KDM4C: variants seen among roughly 807,000 people sequenced by gnomAD.
KDM4C encodes lysine-specific demethylase 4C.
In KDM4C, 81 loss-of-function variants were observed where a neutral mutation model predicts 129.3. That is an observed-to-expected ratio of 0.63 (90% CI 0.52 to 0.75). The LOEUF (loss-of-function observed/expected upper bound fraction) is 0.75. Ranked by LOEUF, KDM4C falls within the 30% of genes least tolerant of loss-of-function variation. KDM4C has a pLI of 0.00. For synonymous variants in KDM4C, 573 were observed against 456.1 expected, an observed-to-expected ratio of 1.26 and a Z score of -3.26; for missense variants, 1,457 against 1,304.0, an observed-to-expected ratio of 1.12 and a Z score of -1.81.
intron 1 of KDM4C, among the ~76,000 whole-genome samples, chr9:6,783,790 G>T (rs1824878754): frequency 6.6e-6 from 1 of 152,188 alleles, no homozygotes; most frequent in African/African-American, 2.4e-5. Flanking sequence ...CAATTAAAAA[G>T]TTACTGGCAA....
chr9:6,933,062 C>CAATT (rs79398326), intron 8 of KDM4C, among the ~76,000 whole-genome samples: 38,827 of 151,770 alleles, frequency 0.26, 5,370 homozygotes, highest in South Asian at 0.4. Context: ...TGGTGAAATA[C>CAATT]CATCTCAAAG....
chr9:6,879,340 T>C (rs1179904400), intron 5 of KDM4C, among the ~76,000 whole-genome samples: 4 of 152,184 alleles, frequency 2.6e-5, no homozygotes, highest in African/African-American at 9.6e-5. Context: ...TAAAAATAAC[T>C]ATGGAACTAG....
intron 1 of KDM4C, chr9:6,735,140 C>T (rs1406853990): frequency 1.2e-5 from 3 of 257,434 alleles, no homozygotes; most frequent in East Asian, 2.0e-4. Context: ...GAGGCTACAC[C>T]TGTCCCCGCC....
chr9:6,813,266 G>C (rs916805379), intron 3 of KDM4C, among the ~76,000 whole-genome samples: 1 of 152,178 alleles, frequency 6.6e-6, no homozygotes, highest in African/African-American at 2.4e-5. Context: ...GAACTCCTGA[G>C]CTCAAATGAT....
At chr9:7,008,530 T>G (rs1404521418) in intron 12 of KDM4C, among the ~76,000 whole-genome samples, 1 of 152,102 alleles carries the variant, frequency 6.6e-6, no homozygotes, top group Non-Finnish European at 1.5e-5. Flanking sequence ...GGACCTGGGT[T>G]TCATGCCTGC....
At chr9:6,965,387 G>A (rs1830779245) in intron 8 of KDM4C, among the ~76,000 whole-genome samples, 1 of 152,032 alleles carries the variant, frequency 6.6e-6, no homozygotes, top group African/African-American at 2.4e-5. Context: ...TATAAAGTGA[G>A]GACAGTAGTG....
chr9:6,989,667 T>G (rs1222668846), intron 11 of KDM4C, among the ~76,000 whole-genome samples: 3 of 147,382 alleles, frequency 2.0e-5, no homozygotes, highest in African/African-American at 7.4e-5. Context: ...AGTATTGTCT[T>G]CTCTGTGAGG....
At position 7,120,264 on chromosome 9, in the gene KDM4C, A is replaced by G. The variant is rs966084143; in HGVS notation, c.2611-7802A>G. ...ATGAAGCAGTCCAGGTATTAGGAAC[A>G]TACTTTCCTCCTTCTTCAGGTTGTA... On this transcript the variant is annotated intron_variant, in intron 18 of 21. Coordinates refer to ENST00000381309, the MANE Select transcript of KDM4C (RefSeq NM_015061.6). Among the ~76,000 whole-genome samples the G allele has an allele frequency of 2.6e-5, 4 of 152,142 alleles. No individual in the cohort carries two copies. In the South Asian group the frequency reaches 6.2e-4, roughly 24 times the overall value.
At chr9:6,977,454 A>G (rs1833116895) in intron 8 of KDM4C, among the ~76,000 whole-genome samples, 1 of 152,202 alleles carries the variant, frequency 6.6e-6, no homozygotes, top group Admixed American at 6.5e-5. Context: ...ATATTATTTC[A>G]TGTCTCCCAA....
chr9:7,095,517 C>CTT (rs59318739), intron 17 of KDM4C, among the ~76,000 whole-genome samples: 1 of 146,058 alleles, frequency 6.8e-6, no homozygotes, highest in African/African-American at 2.5e-5. Flanking sequence ...AAACAAAGAT[C>CTT]TTTTTTTTTT....
chr9:6,790,334 T>G (rs1399823773), intron 1 of KDM4C, among the ~76,000 whole-genome samples: 1 of 151,552 alleles, frequency 6.6e-6, no homozygotes, highest in Non-Finnish European at 1.5e-5. Flanking sequence ...AAGCTCCGCC[T>G]CCTGGATTCA....
Position 6,814,641 on chromosome 9 carries a change from C to G in KDM4C, c.331C>G (p.Pro111Ala). Residue 111 changes from proline to alanine, a missense_variant, in exon 4 of 22, where the codon CCA becomes GCA. Coordinates refer to ENST00000381309, the MANE Select transcript of KDM4C (RefSeq NM_015061.6). ...ATCTACCTTTTACAGATATTGTACT[C>G]CAAGATACTTGGATTACGAAGATTT... ...QLANSGKYCTPRYLDYEDLER... is the reference protein window; with the variant it reads ...QLANSGKYCTARYLDYEDLER... The G allele has an allele frequency of 1.2e-6, 2 of 1,601,116 alleles. No individual in the cohort carries two copies. Among genetic ancestry groups the G allele is most frequent in the Non-Finnish European group, 1.7e-6 (2 of 1,172,760 alleles).
At chr9:6,774,151 G>T (rs916473110) in intron 1 of KDM4C, among the ~76,000 whole-genome samples, 1 of 152,016 alleles carries the variant, frequency 6.6e-6, no homozygotes, top group African/African-American at 2.4e-5. Context: ...GCCTCCCAAA[G>T]TGCTGGGATT....
intron 17 of KDM4C, among the ~76,000 whole-genome samples, chr9:7,096,693 G>T (rs16925334): frequency 1.1e-4 from 16 of 152,042 alleles, no homozygotes; most frequent in African/African-American, 3.6e-4. Context: ...CTTAGAATTC[G>T]TCCAACTGTA....
chr9:7,078,357 C>A (rs1030593530), intron 17 of KDM4C, among the ~76,000 whole-genome samples: 1 of 151,170 alleles, frequency 6.6e-6, no homozygotes, highest in Non-Finnish European at 1.5e-5. Flanking sequence ...AGGACATGGA[C>A]ACAGCTTTTA....
chr9:6,958,779 C>A (rs1179361003), intron 8 of KDM4C, among the ~76,000 whole-genome samples: 1 of 150,864 alleles, frequency 6.6e-6, no homozygotes, highest in African/African-American at 2.5e-5. Context: ...CCATCTCCTT[C>A]CACCTCCGCC....
At chr9:6,834,751 G>A in intron 4 of KDM4C, 1 of 1,070,026 alleles carries the variant, frequency 9.3e-7, no homozygotes, top group Non-Finnish European at 1.5e-6. Flanking sequence ...TGGTTCCCGA[G>A]GAGCATCCCA....
chr9:7,076,438 G>A (rs1375808239), intron 17 of KDM4C: 1 of 1,548,376 alleles, frequency 6.5e-7, no homozygotes, highest in East Asian at 2.4e-5. Context: ...TTTCAGGGAA[G>A]GCTGGGAATC....
intron 17 of KDM4C, among the ~76,000 whole-genome samples, chr9:7,060,303 C>G (rs1197128125): frequency 6.6e-6 from 1 of 151,206 alleles, no homozygotes; most frequent in Non-Finnish European, 1.5e-5. Flanking sequence ...TACCTTGTTA[C>G]ATATTTGAGT....
Sources: allele counts gnomAD v4.1 joint callset (sites outside exome capture counted in the v4.1 genomes callset), GRCh38; gene constraint gnomAD v4.1.1; transcripts MANE v1.5; gene names NCBI Gene and HGNC (gene_info 2026-07-23, HGNC 2026-07-21).